The following PTPRD variants were observed in gnomAD, a reference collection of about 807,000 sequenced individuals.
PTPRD encodes receptor-type tyrosine-protein phosphatase delta.
A neutral mutation model predicts 214.5 loss-of-function variants in PTPRD; 34 were observed. The ratio of observed to expected loss-of-function variants is 0.16; its 90% confidence interval spans 0.12 to 0.21. PTPRD has a LOEUF of 0.21. PTPRD is among the 10% of genes least tolerant of loss of function. PTPRD has a pLI of 1.00. For missense variants in PTPRD, 2,545 were observed against 2,398.7 expected (o/e 1.06, Z -1.27); for synonymous variants, 1,128 against 845.7 (o/e 1.33, Z -5.79).
At chr9:10,144,640 T>A (rs1246639265) in intron 3 of PTPRD, among the ~76,000 whole-genome samples, 1 of 152,120 alleles carries the variant, frequency 6.6e-6, no homozygotes, top group Non-Finnish European at 1.5e-5. Context: ...CCTTCTTCAA[T>A]ATTTTGACCT....
rs372577088 is a variant in PTPRD at position 9,440,210 on chromosome 9, A to G, written c.-236-42728T>C. Among the ~76,000 whole-genome samples, 15 of 152,302 alleles carry G rather than the reference A, an allele frequency of 9.8e-5. No individual in the cohort carries two copies. In the East Asian group the frequency reaches 1.7e-3, roughly 18 times the overall value. On this transcript the variant is annotated intron_variant, in intron 8 of 45. Coordinates refer to ENST00000381196, the MANE Select transcript of PTPRD (RefSeq NM_002839.4). ...GCATAAATTCCTAAAATTATTACCA[A>G]CTTCAGCTTTTAACTTGTAAATATT...
rs375327626 is a variant in PTPRD, at chr9:8,470,959, A to T, written c.3504+36T>A. 1.1e-5 allele frequency: 17 copies of T among 1,565,700 alleles called. No homozygotes were observed. The African/African-American group carries it at 2.3e-4, about 21-fold the overall frequency. ...GGGCGGAAATGCAGCAGATTAAATA[A>T]CGAATAAAAGACATGGCCAACAATG... On this transcript the variant is annotated intron_variant, in intron 31 of 45. Transcript: ENST00000381196.
intron 7 of PTPRD, among the ~76,000 whole-genome samples, chr9:9,726,395 A>G (rs4382526): frequency 0.87 from 132,482 of 152,170 alleles, 57,952 homozygotes; most frequent in African/African-American, 0.95. Context: ...GGTGGCCATA[A>G]GCAGGACAGT....
chr9:8,940,224 T>A (rs1211794252), intron 11 of PTPRD, among the ~76,000 whole-genome samples: 3 of 149,136 alleles, frequency 2.0e-5, no homozygotes, highest in African/African-American at 7.4e-5. Context: ...GCTAAATTCT[T>A]TCCCCAGAAG....
At chr9:8,333,203 T>C (rs1202092719) in intron 43 of PTPRD, among the ~76,000 whole-genome samples, 2 of 152,148 alleles carry the variant, frequency 1.3e-5, no homozygotes, top group African/African-American at 4.8e-5. Flanking sequence ...GGAAGCATGA[T>C]TTACTTCCCT....
chr9:9,771,878 AACATATTTTACTCTCATAAAAG>A, intron 5 of PTPRD, among the ~76,000 whole-genome samples: 1 of 152,346 alleles, frequency 6.6e-6, no homozygotes, highest in East Asian at 1.9e-4. Flanking sequence ...ATAAGTGTGC[AACATATTTTACTCTCATAAAAG>A]ACAGTAATGA....
At chr9:9,019,324 GA>G (rs1285867992) in intron 10 of PTPRD, among the ~76,000 whole-genome samples, 1 of 61,934 alleles carries the variant, frequency 1.6e-5, no homozygotes, top group Non-Finnish European at 3.5e-5. Flanking sequence ...AAGAAAGAAA[GA>G]AAGAAAGAAA....
chr9:9,791,745 AC>A (rs2098968930), intron 5 of PTPRD, among the ~76,000 whole-genome samples: 2 of 152,048 alleles, frequency 1.3e-5, no homozygotes, highest in African/African-American at 4.8e-5. Flanking sequence ...CTATATTGAG[AC>A]TTTTTTTGAT....
At chr9:8,793,396 C>A (rs1237218134) in intron 11 of PTPRD, among the ~76,000 whole-genome samples, 1 of 152,160 alleles carries the variant, frequency 6.6e-6, no homozygotes, top group Non-Finnish European at 1.5e-5. Context: ...AAAAGATCCT[C>A]CAGCCCCAGT....
At chr9:8,667,414 C>A (rs758421236) in intron 12 of PTPRD, among the ~76,000 whole-genome samples, 14 of 152,146 alleles carry the variant, frequency 9.2e-5, no homozygotes, top group Non-Finnish European at 1.6e-4. Flanking sequence ...ACCAGTTCAA[C>A]ATATCCTCAT....
chr9:9,916,040 G>T (rs184207145), intron 5 of PTPRD, among the ~76,000 whole-genome samples: 3 of 151,204 alleles, frequency 2.0e-5, no homozygotes, highest in Admixed American at 1.3e-4. Context: ...AACCTTAGAG[G>T]CAAGGAGAGA....
At chr9:10,256,313 G>T (rs912941473) in intron 3 of PTPRD, among the ~76,000 whole-genome samples, 1 of 151,298 alleles carries the variant, frequency 6.6e-6, no homozygotes, top group Non-Finnish European at 1.5e-5. Context: ...GGTCTTCGGG[G>T]GTAATAACAC....
At chr9:10,544,890 T>C (rs1182642732) in intron 2 of PTPRD, among the ~76,000 whole-genome samples, 1 of 152,134 alleles carries the variant, frequency 6.6e-6, no homozygotes, top group Non-Finnish European at 1.5e-5. Flanking sequence ...AAATATATAA[T>C]AAAATTTCAG....
chr9:10,186,858 T>C (rs2099333862), intron 3 of PTPRD, among the ~76,000 whole-genome samples: 1 of 152,122 alleles, frequency 6.6e-6, no homozygotes, highest in South Asian at 2.1e-4. Flanking sequence ...AGCATCCATA[T>C]TAAATAACTC....
At chr9:8,570,792 T>A (rs1481084209) in intron 14 of PTPRD, among the ~76,000 whole-genome samples, 1 of 152,166 alleles carries the variant, frequency 6.6e-6, no homozygotes, top group East Asian at 1.9e-4. Context: ...GTAATGCTAT[T>A]CCTCTTTGTC....
chr9:9,783,048 T>C (rs558945726), intron 5 of PTPRD, among the ~76,000 whole-genome samples: 2 of 152,310 alleles, frequency 1.3e-5, no homozygotes, highest in Admixed American at 1.3e-4. Context: ...TATGTATGTT[T>C]AATTATCTTG....
At chr9:9,699,963 T>C (rs1004310288) in intron 7 of PTPRD, among the ~76,000 whole-genome samples, 1 of 152,170 alleles carries the variant, frequency 6.6e-6, no homozygotes, top group African/African-American at 2.4e-5. Context: ...CTCAGAATTA[T>C]TTATGAATTC....
chr9:9,931,238 A>G (rs1051246720), intron 5 of PTPRD, among the ~76,000 whole-genome samples: 4 of 152,228 alleles, frequency 2.6e-5, no homozygotes, highest in Non-Finnish European at 4.4e-5. Context: ...ATGGCCGAAT[A>G]GGAACAGCTC....
intron 3 of PTPRD, among the ~76,000 whole-genome samples, chr9:10,339,713 T>A (rs2096905029): frequency 6.6e-6 from 1 of 151,700 alleles, no homozygotes; most frequent in Admixed American, 6.6e-5. Flanking sequence ...GGAGAAGTCC[T>A]GTTATCTTTA....
Sources: gnomAD v4.1 joint callset for allele counts (sites outside exome capture counted in the v4.1 genomes callset) on GRCh38, gnomAD v4.1.1 for gene constraint, MANE v1.5 for transcripts, NCBI Gene and HGNC (gene_info 2026-07-23, HGNC 2026-07-21) for gene names.